Variants in NR2C2 observed in about 807,000 individuals in gnomAD.
NR2C2 encodes Nuclear hormone receptor TR4.
In NR2C2, 6 loss-of-function variants were observed where a neutral mutation model predicts 62.9. That is an observed-to-expected ratio of 0.10 (90% confidence interval 0.05 to 0.19). NR2C2 has a LOEUF of 0.19. NR2C2 is among the 10% of genes least tolerant of loss of function. NR2C2 has a pLI of 1.00. For synonymous variants in NR2C2, 272 were observed against 273.8 expected (o/e 0.99, Z 0.07); for missense variants, 479 against 762.7 (o/e 0.63, Z 4.38).
intron 1 of NR2C2, among the ~76,000 whole-genome samples, chr3:14,957,185 A>G (rs946276722): frequency 1.3e-5 from 2 of 152,244 alleles, no homozygotes; most frequent in South Asian, 2.1e-4. Context: ...TGTTATATTT[A>G]TAAGCCATGT....
intron 1 of NR2C2, among the ~76,000 whole-genome samples, chr3:14,974,957 C>T (rs895389536): frequency 2.0e-5 from 3 of 152,050 alleles, no homozygotes; most frequent in African/African-American, 7.3e-5. Context: ...ATTTTGCTTC[C>T]TTGGTTAAAT....
At position 15,048,047 on chromosome 3, in the gene NR2C2, T is replaced by G. The variant is rs2042517706; in HGVS notation, c.*5039T>G. On this transcript the variant is annotated 3_prime_UTR_variant, in exon 14 of 14. Transcript: ENST00000425241. ...ATAGACCTGGGAAGCAGGGGCCTGCTGGAAGGAATCACTAGATTGCTGCAA... is the reference window on the plus strand; with the variant it reads ...ATAGACCTGGGAAGCAGGGGCCTGCGGGAAGGAATCACTAGATTGCTGCAA... 1.3e-5 allele frequency: 2 copies of G among 152,668 alleles called. No homozygotes were observed. Among genetic ancestry groups the G allele is most frequent in the African/African-American group, 4.8e-5 (2 of 41,480 alleles). The allele number at this position is 152,668 out of a possible 1,614,324, so 9.5% of individuals were successfully genotyped here. A position where few individuals can be genotyped will look rare whatever the true frequency, so the allele number is the denominator to read the frequency against.
intron 1 of NR2C2, among the ~76,000 whole-genome samples, chr3:14,994,874 C>A (rs1212111460): frequency 6.6e-6 from 1 of 150,778 alleles, no homozygotes; most frequent in East Asian, 2.0e-4. Flanking sequence ...ATGATTGTGC[C>A]ACTGCACTTC....
chr3:15,028,255 G>A (rs747337883), intron 7 of NR2C2, among the ~76,000 whole-genome samples: 7 of 152,130 alleles, frequency 4.6e-5, no homozygotes, highest in African/African-American at 9.7e-5. Flanking sequence ...GACATGATTC[G>A]CAAATATTTT....
At chr3:14,951,414 CTTATT>C (rs2039351434) in intron 1 of NR2C2, among the ~76,000 whole-genome samples, 1 of 152,038 alleles carries the variant, frequency 6.6e-6, no homozygotes. Flanking sequence ...TTTGTATTAA[CTTATT>C]TTATATTGTA....
At chr3:14,981,339 C>T (rs1054458344) in intron 1 of NR2C2, among the ~76,000 whole-genome samples, 2 of 152,106 alleles carry the variant, frequency 1.3e-5, no homozygotes, top group Non-Finnish European at 2.9e-5. Flanking sequence ...CGCGGTGCCT[C>T]ACGCCTGTAA....
At position 14,980,859 on chromosome 3, in the gene NR2C2, G is replaced by C. The variant is rs1000876476; in HGVS notation, c.-39-23017G>C. Among the ~76,000 whole-genome samples, 5 of 152,306 alleles carry C rather than the reference G, an allele frequency of 3.3e-5. No homozygotes were observed. The South Asian group carries it at 1.0e-3, about 32-fold the overall frequency. Reference sequence around the variant, plus strand: ...TTTCAAGACAGCACACGGCCAGACTGAGAAAAGAGGAAGAACCTGGTTGAA... The same window carrying C: ...TTTCAAGACAGCACACGGCCAGACTCAGAAAAGAGGAAGAACCTGGTTGAA... On this transcript the variant is annotated intron_variant, in intron 1 of 13. Transcript: ENST00000425241.
At chr3:14,970,680 C>T (rs2040010445) in intron 1 of NR2C2, among the ~76,000 whole-genome samples, 1 of 152,146 alleles carries the variant, frequency 6.6e-6, no homozygotes, top group South Asian at 2.1e-4. Flanking sequence ...CAGTTTCCTT[C>T]CTTTTTAAGA....
chr3:14,997,852 C>T (rs1055910958), intron 1 of NR2C2, among the ~76,000 whole-genome samples: 10 of 152,104 alleles, frequency 6.6e-5, no homozygotes, highest in African/African-American at 2.4e-4. Flanking sequence ...GGTTTTAGTA[C>T]ATTCACAAGA....
intron 4 of NR2C2, among the ~76,000 whole-genome samples, chr3:15,020,341 C>T (rs191823793): frequency 1.1e-4 from 16 of 152,320 alleles, no homozygotes; most frequent in South Asian, 2.1e-4. Flanking sequence ...ATGTGCCACT[C>T]GTGGCAGGAC....
intron 8 of NR2C2, among the ~76,000 whole-genome samples, chr3:15,029,892 AAG>A (rs973079884): frequency 2.6e-5 from 4 of 151,858 alleles, no homozygotes; most frequent in African/African-American, 9.7e-5. Flanking sequence ...GAAAGAGACA[AAG>A]AGAAAAGGAA....
intron 13 of NR2C2, among the ~76,000 whole-genome samples, chr3:15,039,889 G>A (rs1032571742): frequency 6.6e-6 from 1 of 152,168 alleles, no homozygotes; most frequent in African/African-American, 2.4e-5. Context: ...GGTGGCTCAC[G>A]CCTGTAATCC....
chr3:15,008,288 G>A (rs1050564783), intron 2 of NR2C2, among the ~76,000 whole-genome samples: 10 of 151,376 alleles, frequency 6.6e-5, no homozygotes, highest in African/African-American at 2.2e-4. Context: ...TTTGGAGGCC[G>A]ATGTAGGTGG....
intron 1 of NR2C2, among the ~76,000 whole-genome samples, chr3:14,974,338 T>C (rs1173535713): frequency 6.6e-6 from 1 of 152,224 alleles, no homozygotes; most frequent in South Asian, 2.1e-4. Flanking sequence ...TATCTAACTT[T>C]GTTCTTTTTC....
chr3:14,994,722 T>A (rs1291318851), intron 1 of NR2C2, among the ~76,000 whole-genome samples: 1 of 148,092 alleles, frequency 6.8e-6, no homozygotes, highest in East Asian at 2.0e-4. Context: ...TCTGCAGATG[T>A]GAGCTGCCAC....
intron 1 of NR2C2, chr3:14,948,486 A>G (rs2039216580): frequency 6.6e-6 from 1 of 151,762 alleles, no homozygotes; most frequent in Non-Finnish European, 1.5e-5. Flanking sequence ...CGCCCCCCTA[A>G]GCTTTGCTGA....
intron 1 of NR2C2, among the ~76,000 whole-genome samples, chr3:14,989,738 G>C (rs1158304671): frequency 6.6e-6 from 1 of 151,628 alleles, no homozygotes; most frequent in Non-Finnish European, 1.5e-5. Context: ...CTTGAGACCA[G>C]CCTGGCCAAC....
intron 1 of NR2C2, among the ~76,000 whole-genome samples, chr3:15,001,030 G>C (rs1465998717): frequency 6.6e-6 from 1 of 151,812 alleles, no homozygotes; most frequent in African/African-American, 2.4e-5. Context: ...TAGCCAGGGT[G>C]GTCTCAATCT....
intron 10 of NR2C2, among the ~76,000 whole-genome samples, chr3:15,033,809 G>A (rs964279635): frequency 6.6e-6 from 1 of 152,048 alleles, no homozygotes; most frequent in Admixed American, 6.5e-5. Context: ...TCTCAGTCCG[G>A]GCTAGATAAA....
Sources: gnomAD v4.1 joint callset for allele counts (sites outside exome capture counted in the v4.1 genomes callset) on GRCh38, gnomAD v4.1.1 for gene constraint, MANE v1.5 for transcripts, NCBI Gene and HGNC (gene_info 2026-07-23, HGNC 2026-07-21) for gene names.